The following DMD variants were observed in gnomAD, a reference collection of about 807,000 sequenced individuals.
DMD encodes mutant dystrophin.
DMD carries 63 observed loss-of-function variants against 330.1 expected under a neutral mutation model. That is an observed-to-expected ratio of 0.19 (90% CI 0.16 to 0.24). The LOEUF (loss-of-function observed/expected upper bound fraction) is 0.24. Ranked by LOEUF, DMD falls within the 10% of genes least tolerant of loss-of-function variation. The probability of loss-of-function intolerance (pLI) is 1.00; values close to 1 mark genes in which losing one functional copy is unlikely to be tolerated. For synonymous variants in DMD, 1,223 were observed against 959.8 expected, an observed-to-expected ratio of 1.27 and a Z score of -5.07; for missense variants, 3,344 against 2,684.1, an observed-to-expected ratio of 1.25 and a Z score of -5.43.
chrX:33,066,691 T>G (rs1424409647), intron 1 of DMD, among the ~76,000 whole-genome samples: 1 of 110,493 alleles, frequency 9.1e-6, no homozygotes, highest in Non-Finnish European at 1.9e-5. Flanking sequence ...CTGCCTAAAG[T>G]TCTGCCAGGT....
At chrX:31,677,491 T>C (rs111391985) in intron 53 of DMD, among the ~76,000 whole-genome samples, 6,507 of 111,991 alleles carry the variant, frequency 0.058, 479 homozygotes, top group African/African-American at 0.2. Flanking sequence ...CCGAAACTTA[T>C]AGAGAAGAAA....
chrX:32,540,691 G>A (rs2048406470), intron 17 of DMD, among the ~76,000 whole-genome samples: 2 of 112,028 alleles, frequency 1.8e-5, no homozygotes, highest in Admixed American at 1.9e-4. Context: ...ACATAAAGAA[G>A]TGTAATAATA....
intron 2 of DMD, among the ~76,000 whole-genome samples, chrX:33,007,082 C>T (rs2093411520): frequency 9.0e-6 from 1 of 110,965 alleles, no homozygotes; most frequent in Non-Finnish European, 1.9e-5. Flanking sequence ...TATCCTCTAA[C>T]TCATCTCTCT....
intron 52 of DMD, among the ~76,000 whole-genome samples, chrX:31,683,654 A>G (rs1723500526): frequency 8.9e-6 from 1 of 112,219 alleles, no homozygotes; most frequent in Admixed American, 9.4e-5. Context: ...CCTGGAAAAT[A>G]CAACGTAAAA....
intron 55 of DMD, among the ~76,000 whole-genome samples, chrX:31,550,711 T>A (rs1426415766): frequency 8.9e-6 from 1 of 111,988 alleles, no homozygotes; most frequent in Admixed American, 9.5e-5. Context: ...AAAGGTTATA[T>A]ATACATACAC....
chrX:32,460,135 G>A lies in DMD; in HGVS notation c.3432+3304C>T, dbSNP rs191712068. Among the ~76,000 whole-genome samples, 224 of 110,438 alleles carry A rather than the reference G, an allele frequency of 2.0e-3. 1 individual carries two copies. Among genetic ancestry groups the A allele is most frequent in the African/African-American group, 6.9e-3 (210 of 30,514 alleles). On this transcript the variant is annotated intron_variant, in intron 25 of 78. Coordinates refer to ENST00000357033, the MANE Select transcript of DMD (RefSeq NM_004006.3). Reference sequence around the variant, plus strand: ...ATATATGAAAAAAAAATTCCACATCGGTAATCATCAAATAAATGCAAACCA... The same window carrying A: ...ATATATGAAAAAAAAATTCCACATCAGTAATCATCAAATAAATGCAAACCA...
intron 54 of DMD, among the ~76,000 whole-genome samples, chrX:31,651,690 T>C (rs1012923736): frequency 2.5e-4 from 28 of 111,378 alleles, no homozygotes; most frequent in African/African-American, 9.1e-4. Context: ...TTGAGTCTTC[T>C]TGACTCTTTC....
intron 39 of DMD, among the ~76,000 whole-genome samples, chrX:32,344,976 G>A (rs375728516): frequency 9.0e-6 from 1 of 111,380 alleles, no homozygotes; most frequent in African/African-American, 3.3e-5. Flanking sequence ...GACTTTCCTT[G>A]TGGATTCCTT....
intron 63 of DMD, among the ~76,000 whole-genome samples, chrX:31,255,656 G>T (rs188283145): frequency 1.2e-4 from 13 of 110,045 alleles, no homozygotes; most frequent in African/African-American, 4.3e-4. Flanking sequence ...AGAGTTAGCC[G>T]AAAGGTACCT....
intron 7 of DMD, among the ~76,000 whole-genome samples, chrX:32,799,767 T>C (rs780880768): frequency 1.8e-5 from 2 of 111,165 alleles, no homozygotes; most frequent in African/African-American, 6.5e-5. Flanking sequence ...ATATACCTAT[T>C]ATCTATGAGC....
chrX:31,712,746 T>C (rs751899232), intron 52 of DMD, among the ~76,000 whole-genome samples: 3 of 111,602 alleles, frequency 2.7e-5, no homozygotes, highest in South Asian at 7.5e-4. Flanking sequence ...GACAACTTTA[T>C]CTGCCTTTGG....
rs189157195 is a variant in DMD, at chrX:32,879,647, G to C, written c.94-29827C>G. Among the ~76,000 whole-genome samples, 14 of 110,932 alleles carry C rather than the reference G, an allele frequency of 1.3e-4. No homozygotes were observed. The East Asian group carries it at 4.0e-3, about 32-fold the overall frequency. On this transcript the variant is annotated intron_variant, in intron 2 of 78. Transcript: ENST00000357033. ...ATTTTTAAAAATATGGAGAAGTTCA[G>C]CGTTTTTGTTTTGCTTTACTTTGGT...
intron 9 of DMD, among the ~76,000 whole-genome samples, chrX:32,660,921 A>T (rs771245837): frequency 2.7e-5 from 3 of 111,484 alleles, no homozygotes; most frequent in African/African-American, 6.5e-5. Flanking sequence ...CATAATCTAT[A>T]AACACACTTT....
At chrX:32,049,247 C>T (rs1160638643) in intron 44 of DMD, among the ~76,000 whole-genome samples, 1 of 110,857 alleles carries the variant, frequency 9.0e-6, no homozygotes. Context: ...TCAACTGACT[C>T]GTACATTTGT....
intron 43 of DMD, among the ~76,000 whole-genome samples, chrX:32,278,020 A>G (rs1248058992): frequency 9.0e-6 from 1 of 111,473 alleles, no homozygotes; most frequent in African/African-American, 3.3e-5. Context: ...AACAAAACGA[A>G]AAGTTGGTTT....
chrX:32,826,153 TCA>T (rs1041383942), intron 4 of DMD, among the ~76,000 whole-genome samples: 3 of 111,551 alleles, frequency 2.7e-5, no homozygotes, highest in African/African-American at 9.8e-5. Flanking sequence ...AAATATTACA[TCA>T]CACAGAATGG....
intron 60 of DMD, among the ~76,000 whole-genome samples, chrX:31,421,958 T>C (rs189174507): frequency 0.013 from 854 of 67,800 alleles, 27 homozygotes; most frequent in African/African-American, 0.075. Flanking sequence ...TATATATATA[T>C]ACACATATAT....
chrX:32,701,692 G>A (rs1011845549), intron 7 of DMD, among the ~76,000 whole-genome samples: 6 of 111,089 alleles, frequency 5.4e-5, no homozygotes, highest in African/African-American at 1.3e-4. Flanking sequence ...AAAACAAAAA[G>A]GGTTGAGCCT....
intron 71 of DMD, 37 bp from the exon 72 acceptor site, chrX:31,173,641 T>C (rs751387143): frequency 3.4e-6 from 4 of 1,171,292 alleles, no homozygotes; most frequent in Non-Finnish European, 4.6e-6. Flanking sequence ...ACAGATACCA[T>C]CCATTAATGG....
Sources: gnomAD v4.1 joint callset for allele counts (sites outside exome capture counted in the v4.1 genomes callset) on GRCh38, gnomAD v4.1.1 for gene constraint, MANE v1.5 for transcripts, NCBI Gene and HGNC (gene_info 2026-07-23, HGNC 2026-07-21) for gene names.